The following SYNDIG1L variants were observed in gnomAD, a reference collection of about 807,000 sequenced individuals.
SYNDIG1L encodes the protein synapse differentiation-inducing gene protein 1-like.
SYNDIG1L carries 13 observed loss-of-function variants against 20.1 expected under a neutral mutation model. The ratio of observed to expected loss-of-function variants is 0.65; its 90% CI spans 0.42 to 1.03. SYNDIG1L has a LOEUF of 1.03. Ranked by LOEUF, SYNDIG1L falls within the 50% of genes least tolerant of loss-of-function variation. The pLI, the probability that SYNDIG1L is intolerant of heterozygous loss-of-function variation, is 0.00. For missense variants in SYNDIG1L, 294 were observed against 305.1 expected (o/e 0.96, Z 0.27); for synonymous variants, 128 against 129.3 (o/e 0.99, Z 0.07).
intron 1 of SYNDIG1L, among the ~76,000 whole-genome samples, chr14:74,420,004 T>C (rs1430681925): frequency 3.9e-5 from 6 of 152,028 alleles, no homozygotes. Flanking sequence ...GTCATGCCTA[T>C]GTTTTAGACA....
At chr14:74,416,641 AAAAC>A (rs1438216663) in intron 1 of SYNDIG1L, among the ~76,000 whole-genome samples, 2 of 148,724 alleles carry the variant, frequency 1.3e-5, no homozygotes, top group African/African-American at 2.6e-5. Context: ...CTCAAAAACA[AAAAC>A]AAACCAAACA....
chr14:74,459,954 G>T, the SYNDIG1L span, among the ~76,000 whole-genome samples: 18 of 152,284 alleles, frequency 1.2e-4, 2 homozygotes, highest in South Asian at 3.7e-3. Flanking sequence ...TCTCCTCCCA[G>T]ATGCTTCTAG....
At chr14:74,459,032 G>A in the SYNDIG1L span, among the ~76,000 whole-genome samples, 2 of 152,130 alleles carry the variant, frequency 1.3e-5, no homozygotes, top group African/African-American at 2.4e-5. Context: ...GGGATGAGAC[G>A]CTGAGTGGAG....
At chr14:74,454,856 T>G in the SYNDIG1L span, among the ~76,000 whole-genome samples, 85,582 of 152,042 alleles carry the variant, frequency 0.56, 25,266 homozygotes, top group African/African-American at 0.76. Flanking sequence ...TATTGTGAGG[T>G]TTAATTGTAT....
the SYNDIG1L span, among the ~76,000 whole-genome samples, chr14:74,440,886 C>G: frequency 1.3e-5 from 2 of 152,264 alleles, no homozygotes; most frequent in South Asian, 4.1e-4. Flanking sequence ...TGGTTAAGAG[C>G]ATAGAGCATT....
the SYNDIG1L span, chr14:74,476,648 G>A: frequency 2.3e-5 from 32 of 1,367,864 alleles, no homozygotes; most frequent in African/African-American, 7.2e-5. Context: ...GGAGCTGGCC[G>A]GATCCACTCA....
rs137953604 is a variant in SYNDIG1L, at chr14:74,415,542, A to C, written c.-57-5741T>G. Among the ~76,000 whole-genome samples the C allele has an allele frequency of 1.9e-3, 296 of 151,962 alleles. 1 individual carries two copies. The highest frequency in any genetic ancestry group is 6.5e-3 in the African/African-American group (269 of 41,442). On this transcript the variant is annotated intron_variant, in intron 1 of 3. Coordinates refer to ENST00000331628, the MANE Select transcript of SYNDIG1L (RefSeq NM_001105579.2). Reference sequence around the variant, plus strand: ...ACTATGAGGAATATGAAATAATAAAATTTTTTTCTTTTTTTTGAGACAGGG... The same window carrying C: ...ACTATGAGGAATATGAAATAATAAACTTTTTTTCTTTTTTTTGAGACAGGG...
the SYNDIG1L span, among the ~76,000 whole-genome samples, chr14:74,449,438 C>CA: frequency 0.011 from 382 of 34,008 alleles, 85 homozygotes; most frequent in Middle Eastern, 0.039. Context: ...CCTGTCTTTA[C>CA]AAAAAAAAAA....
upstream of SYNDIG1L, among the ~76,000 whole-genome samples, chr14:74,427,791 G>GAC (rs1353277146): frequency 6.6e-6 from 1 of 151,822 alleles, no homozygotes; most frequent in Non-Finnish European, 1.5e-5. Context: ...GACACACACA[G>GAC]ACACACACAC....
intron 1 of SYNDIG1L, among the ~76,000 whole-genome samples, chr14:74,418,965 T>C (rs1207551328): frequency 6.6e-6 from 1 of 152,246 alleles, no homozygotes; most frequent in African/African-American, 2.4e-5. Flanking sequence ...TGAAGTATAA[T>C]AAAATGTCTG....
chr14:74,453,576 C>T, the SYNDIG1L span, among the ~76,000 whole-genome samples: 1 of 151,748 alleles, frequency 6.6e-6, no homozygotes, highest in African/African-American at 2.4e-5. Flanking sequence ...CATCGCACAC[C>T]TTAAATATAT....
At chr14:74,453,371 A>G in the SYNDIG1L span, among the ~76,000 whole-genome samples, 2 of 142,284 alleles carry the variant, frequency 1.4e-5, no homozygotes, top group African/African-American at 5.1e-5. Context: ...AAAAAAAAAA[A>G]AAAAAAAAAA....
chr14:74,460,028 C>A, the SYNDIG1L span, among the ~76,000 whole-genome samples: 2 of 152,170 alleles, frequency 1.3e-5, no homozygotes, highest in Non-Finnish European at 2.9e-5. Context: ...CCTCCAGGGA[C>A]CCCCAGCTCT....
Position 74,420,917 on chromosome 14 carries a change from A to C in SYNDIG1L, c.-58+4995T>G, listed in dbSNP as rs186287677. Among the ~76,000 whole-genome samples, 135 of 152,308 alleles carry C rather than the reference A, an allele frequency of 8.9e-4. 3 individuals are homozygous for C. The East Asian group carries it at 0.016, about 18-fold the overall frequency. ...AGAGGCCTACTGTGGAAACAAACTT[A>C]GCCAACTTCAGAGGAAATTCATACT... On this transcript the variant is annotated intron_variant, in intron 1 of 3. Transcript: ENST00000331628.
chr14:74,443,348 G>A, the SYNDIG1L span, among the ~76,000 whole-genome samples: 1 of 152,198 alleles, frequency 6.6e-6, no homozygotes, highest in South Asian at 2.1e-4. Context: ...TGAGGACTGA[G>A]AGATGCTCAG....
At chr14:74,465,534 A>G in the SYNDIG1L span, among the ~76,000 whole-genome samples, 5 of 152,198 alleles carry the variant, frequency 3.3e-5, no homozygotes, top group Admixed American at 6.5e-5. Flanking sequence ...TGTGAACATC[A>G]GTTGGCACAC....
chr14:74,421,049 A>T (rs2086217066), intron 1 of SYNDIG1L, among the ~76,000 whole-genome samples: 1 of 152,250 alleles, frequency 6.6e-6, no homozygotes, highest in Admixed American at 6.5e-5. Flanking sequence ...TTAAATAAAC[A>T]AATAGAACAA....
intron 1 of SYNDIG1L, among the ~76,000 whole-genome samples, chr14:74,416,144 T>A (rs967303650): frequency 6.6e-6 from 1 of 152,166 alleles, no homozygotes; most frequent in Admixed American, 6.5e-5. Flanking sequence ...CTCTCTTTTT[T>A]AAATGTATCT....
chr14:74,440,067 G>A, the SYNDIG1L span, among the ~76,000 whole-genome samples: 1 of 151,752 alleles, frequency 6.6e-6, no homozygotes, highest in East Asian at 1.9e-4. Context: ...GTCTACCATG[G>A]CATTATTTTT....
Sources: allele counts gnomAD v4.1 joint callset (sites outside exome capture counted in the v4.1 genomes callset), GRCh38; gene constraint gnomAD v4.1.1; transcripts MANE v1.5; gene names NCBI Gene and HGNC (gene_info 2026-07-23, HGNC 2026-07-21).